ELP4: variants seen among roughly 807,000 people sequenced by gnomAD.
The protein encoded by ELP4 is elongator acetyltransferase complex subunit 4.
Under a neutral mutation model 48.9 loss-of-function variants are expected in ELP4, and 51 were observed. The observed-to-expected ratio is 1.04, with a 90% CI of 0.83 to 1.32. The LOEUF (loss-of-function observed/expected upper bound fraction) is 1.32. Ranked by LOEUF, ELP4 falls within the 40% of genes most tolerant of loss-of-function variation. ELP4 has a pLI of 0.00. For missense variants in ELP4, 519 were observed against 514.6 expected (o/e 1.01, Z -0.08); for synonymous variants, 210 against 189.2 (o/e 1.11, Z -0.90).
intron 9 of ELP4, among the ~76,000 whole-genome samples, chr11:31,676,308 C>T (rs1945924933): frequency 6.6e-6 from 1 of 152,178 alleles, no homozygotes; most frequent in African/African-American, 2.4e-5. Context: ...CCTGACTCTT[C>T]TTTTCCAAAT....
intron 3 of ELP4, among the ~76,000 whole-genome samples, chr11:31,555,134 C>G (rs1299944703): frequency 6.6e-6 from 1 of 151,962 alleles, no homozygotes; most frequent in African/African-American, 2.4e-5. Flanking sequence ...TCCGTGGGGA[C>G]GAGAAATGAT....
chr11:31,599,279 G>A (rs1957735891), intron 4 of ELP4: 2 of 152,112 alleles, frequency 1.3e-5, no homozygotes, highest in Admixed American at 1.3e-4. Context: ...ATGTTTACTT[G>A]TATTTACAGT....
chr11:31,705,691 A>G (rs1946616216), intron 9 of ELP4, among the ~76,000 whole-genome samples: 2 of 152,206 alleles, frequency 1.3e-5, no homozygotes, highest in African/African-American at 2.4e-5. Context: ...TTAAAGGAAA[A>G]AGTGGACCAC....
At chr11:31,678,290 A>G (rs969543633) in intron 9 of ELP4, among the ~76,000 whole-genome samples, 2 of 151,990 alleles carry the variant, frequency 1.3e-5, no homozygotes, top group Non-Finnish European at 2.9e-5. Flanking sequence ...TCTGCAAAAA[A>G]TTTTAAAAAT....
intron 9 of ELP4, among the ~76,000 whole-genome samples, chr11:31,688,141 C>T (rs1445416262): frequency 6.6e-6 from 1 of 152,158 alleles, no homozygotes; most frequent in Non-Finnish European, 1.5e-5. Context: ...TTGGAAAAAA[C>T]AGATGCCTTA....
chr11:31,577,053 A>C (rs1489943903), intron 3 of ELP4, among the ~76,000 whole-genome samples: 1 of 151,272 alleles, frequency 6.6e-6, no homozygotes, highest in Non-Finnish European at 1.5e-5. Flanking sequence ...TAGCAAGACT[A>C]ACGAAAAGAA....
At chr11:31,745,239 G>A (rs1446357207) in intron 9 of ELP4, among the ~76,000 whole-genome samples, 1 of 152,136 alleles carries the variant, frequency 6.6e-6, no homozygotes, top group African/African-American at 2.4e-5. Context: ...TGAAATAAAA[G>A]AGGATACAAA....
At chr11:31,719,172 C>G (rs1946904561) in intron 9 of ELP4, among the ~76,000 whole-genome samples, 1 of 151,668 alleles carries the variant, frequency 6.6e-6, no homozygotes, top group South Asian at 2.1e-4. Flanking sequence ...AGGGGAGGAT[C>G]TCTTGAGCCC....
chr11:31,618,424 G>A (rs933826619), intron 5 of ELP4, among the ~76,000 whole-genome samples: 20 of 152,084 alleles, frequency 1.3e-4, no homozygotes, highest in Non-Finnish European at 2.6e-4. Flanking sequence ...GAGGAACCCT[G>A]TTCCTCACAT....
chr11:31,619,345 G>A (rs1263459191), intron 5 of ELP4, among the ~76,000 whole-genome samples: 4 of 151,952 alleles, frequency 2.6e-5, no homozygotes, highest in Non-Finnish European at 4.4e-5. Context: ...TTGGCTACAC[G>A]TGCTGAGAAT....
intron 3 of ELP4, among the ~76,000 whole-genome samples, chr11:31,541,079 C>T (rs1252005793): frequency 6.6e-6 from 1 of 152,120 alleles, no homozygotes; most frequent in Non-Finnish European, 1.5e-5. Context: ...AATTTTAGTA[C>T]ATAGTTTGCA....
intron 2 of ELP4, among the ~76,000 whole-genome samples, chr11:31,530,486 A>G (rs1956377187): frequency 6.6e-6 from 1 of 152,112 alleles, no homozygotes; most frequent in Non-Finnish European, 1.5e-5. Flanking sequence ...GTCAATGGTA[A>G]TAGTTCCCAT....
At chr11:31,743,688 T>G (rs1467430401) in intron 9 of ELP4, among the ~76,000 whole-genome samples, 1 of 152,026 alleles carries the variant, frequency 6.6e-6, no homozygotes, top group East Asian at 1.9e-4. Flanking sequence ...AAAGATGTTC[T>G]TTGCAACCAA....
intron 9 of ELP4, among the ~76,000 whole-genome samples, chr11:31,733,411 A>G (rs1402311721): frequency 1.5e-5 from 2 of 135,680 alleles, no homozygotes; most frequent in African/African-American, 5.6e-5. Context: ...TGGAAGGTGG[A>G]GGTTGCAGTG....
chr11:31,524,891 G>T (rs1956274598), intron 2 of ELP4, among the ~76,000 whole-genome samples: 1 of 152,084 alleles, frequency 6.6e-6, no homozygotes, highest in Admixed American at 6.6e-5. Flanking sequence ...AGGCTGAGGT[G>T]GGAGGAGTGA....
chr11:31,593,037 C>T (rs1008651400), intron 3 of ELP4, among the ~76,000 whole-genome samples: 2 of 152,114 alleles, frequency 1.3e-5, no homozygotes, highest in African/African-American at 4.8e-5. Flanking sequence ...AGATGTTAAA[C>T]CAAATACATT....
In ELP4 at chr11:31,697,780, C is replaced by G. The variant is rs569779854; in HGVS notation, c.1143+47559C>G. 1.1e-4 allele frequency among the ~76,000 whole-genome samples: 16 copies of G among 152,132 alleles called. No homozygotes were observed. The South Asian group carries it at 3.3e-3, about 32-fold the overall frequency. ...GGGTCTCATCAAAAGAAATACCACT[C>G]TTCCAATGATTATTTATAATATTTT... On this transcript the variant is annotated intron_variant, in intron 9 of 9. Coordinates refer to ENST00000640961, the MANE Select transcript of ELP4 (RefSeq NM_019040.5).
intron 7 of ELP4, chr11:31,646,141 A>G (rs771912188): frequency 3.3e-5 from 5 of 151,794 alleles, no homozygotes; most frequent in Non-Finnish European, 5.9e-5. Flanking sequence ...GAAAGTAAGG[A>G]ATCAATCTGG....
At chr11:31,630,158 A>G (rs1380275181) in intron 6 of ELP4, among the ~76,000 whole-genome samples, 1 of 151,526 alleles carries the variant, frequency 6.6e-6, no homozygotes, top group Non-Finnish European at 1.5e-5. Context: ...CCAGCTGCCT[A>G]CATAGTACAA....
Sources: allele counts gnomAD v4.1 joint callset (sites outside exome capture counted in the v4.1 genomes callset), GRCh38; gene constraint gnomAD v4.1.1; transcripts MANE v1.5; gene names NCBI Gene and HGNC (gene_info 2026-07-23, HGNC 2026-07-21).